PLEKHG4B: variants seen among roughly 807,000 people sequenced by gnomAD.
PLEKHG4B encodes the protein pleckstrin homology domain-containing family G member 4B.
PLEKHG4B carries 111 observed loss-of-function variants against 121.3 expected under a neutral mutation model. The ratio of observed to expected loss-of-function variants is 0.92; its 90% CI spans 0.78 to 1.07. The LOEUF (loss-of-function observed/expected upper bound fraction) is 1.07, where lower values mean the gene tolerates loss of function less well. Ranked by LOEUF, PLEKHG4B falls within the 50% of genes least tolerant of loss-of-function variation. PLEKHG4B has a pLI of 0.00. For synonymous variants in PLEKHG4B, 738 were observed against 725.0 expected (o/e 1.02, Z -0.29); for missense variants, 1,831 against 1,757.8 (o/e 1.04, Z -0.74).
At chr5:103,524 G>A (rs1290912750) in intron 1 of PLEKHG4B, among the ~76,000 whole-genome samples, 8 of 152,048 alleles carry the variant, frequency 5.3e-5, no homozygotes, top group Admixed American at 5.2e-4. Flanking sequence ...TGGATATACT[G>A]CCATTTTCTG....
chr5:162,463 A>C (rs1186853296), intron 12 of PLEKHG4B, among the ~76,000 whole-genome samples: 2 of 152,208 alleles, frequency 1.3e-5, no homozygotes, highest in Non-Finnish European at 2.9e-5. Flanking sequence ...ACTGATCTAC[A>C]CAATGTCTTC....
chr5:144,925 G>C lies in PLEKHG4B; in HGVS notation c.1905+5G>C, dbSNP rs768763317. 1.2e-5 allele frequency: 19 copies of C among 1,612,500 alleles called. No homozygotes were observed. Among genetic ancestry groups the C allele is most frequent in the Non-Finnish European group, 1.6e-5 (19 of 1,179,514 alleles). On this transcript the variant is annotated splice_donor_5th_base_variant and intron_variant, in intron 6 of 19. Transcript: ENST00000637938. ...CAGGCCCTCTCAGGATTGCAGGTACGGCAAGGTTGTCATATCCCTTGGGTG... is the reference window on the plus strand; with the variant it reads ...CAGGCCCTCTCAGGATTGCAGGTACCGCAAGGTTGTCATATCCCTTGGGTG...
chr5:107,928 TAG>T, intron 1 of PLEKHG4B, among the ~76,000 whole-genome samples: 1 of 152,162 alleles, frequency 6.6e-6, no homozygotes, highest in Middle Eastern at 3.4e-3. Context: ...ATATAGGAAT[TAG>T]AGTGTGGTGG....
intron 1 of PLEKHG4B, among the ~76,000 whole-genome samples, chr5:99,203 T>C (rs1375221664): frequency 7.3e-6 from 1 of 136,230 alleles, no homozygotes; most frequent in African/African-American, 2.8e-5. Flanking sequence ...TATATATATA[T>C]ATATATATAT....
Position 184,809 on chromosome 5 carries a change from T to A in PLEKHG4B, c.*2486T>A, listed in dbSNP as rs1733564615. 1 of 140,860 alleles carries A rather than the reference T, an allele frequency of 7.1e-6. No homozygotes were observed. Among genetic ancestry groups the A allele is most frequent in the Admixed American group, 7.0e-5 (1 of 14,186 alleles). 8.7% of individuals were successfully genotyped at this position (140,860 alleles called of 1,614,324 possible). ...GGCTGAGGCCAGAGGATCACTTGACTTGAGCCCAGGAACTGGGGGGTCATG... is the reference window on the plus strand; with the variant it reads ...GGCTGAGGCCAGAGGATCACTTGACATGAGCCCAGGAACTGGGGGGTCATG... On this transcript the variant is annotated 3_prime_UTR_variant, in exon 20 of 20. Transcript: ENST00000637938.
intron 1 of PLEKHG4B, among the ~76,000 whole-genome samples, chr5:102,596 C>G (rs983509105): frequency 2.0e-5 from 3 of 152,322 alleles, no homozygotes. Flanking sequence ...ACGAGTTCCC[C>G]TTTGCCTTCT....
At chr5:171,168 G>A (rs759196815) in intron 15 of PLEKHG4B, 36 bp downstream of exon 15, 20 of 1,606,750 alleles carry the variant, frequency 1.2e-5, no homozygotes, top group East Asian at 8.9e-5. Context: ...CAGCCTGCCC[G>A]GCCCTCAGCC....
rs554724961 is a variant in PLEKHG4B at position 189,347 on chromosome 5, G to A, written c.*7024G>A. On this transcript the variant is annotated 3_prime_UTR_variant, in exon 20 of 20. Transcript: ENST00000637938. ...CGGGCTCACAGTGTCTCAGAGCCGT[G>A]GTGAGCCATCCTAGGACCAGTGTAC... is the stretch of plus-strand genomic sequence containing the variant. 6.6e-6 allele frequency: 1 copy of A among 152,572 alleles called. No individual in the cohort carries two copies. Among genetic ancestry groups the A allele is most frequent in the African/African-American group, 2.4e-5 (1 of 41,594 alleles). The allele number at this position is 152,572 out of a possible 1,614,324, so 9.5% of individuals were successfully genotyped here.
chr5:99,039 C>G (rs1733717076), intron 1 of PLEKHG4B, among the ~76,000 whole-genome samples: 1 of 145,888 alleles, frequency 6.9e-6, no homozygotes, highest in African/African-American at 2.5e-5. Flanking sequence ...ACCTGTAATC[C>G]CAGCTACTCG....
chr5:151,460 G>T, intron 6 of PLEKHG4B, 53 bp from the exon 7 acceptor site: 2 of 1,258,702 alleles, frequency 1.6e-6, no homozygotes, highest in African/African-American at 1.5e-5. Context: ...TTCTATTAAT[G>T]AAGTTAAAAA....
intron 1 of PLEKHG4B, among the ~76,000 whole-genome samples, chr5:101,893 G>C (rs1428268591): frequency 4.1e-4 from 32 of 77,360 alleles, no homozygotes; most frequent in African/African-American, 2.8e-3. Context: ...GTAGGGGAGA[G>C]ACTGTTGTGA....
chr5:96,153 G>A (rs1374532269), intron 1 of PLEKHG4B, among the ~76,000 whole-genome samples: 2 of 152,210 alleles, frequency 1.3e-5, no homozygotes, highest in Admixed American at 6.5e-5. Context: ...CACTGGCCCA[G>A]GTCAACTTTT....
At position 156,119 on chromosome 5, in the gene PLEKHG4B, C is replaced by T; in HGVS notation, c.2257C>T (p.Leu753=). The change falls in exon 10 of 20, where the codon CTG becomes TTG. Residue 753 remains leucine, a synonymous_variant. Transcript: ENST00000637938. This position sits in a 1 kb window ranked among gnomAD's most constrained non-coding sequence, Gnocchi z 4.4. The part of the protein sequence containing the change: ...DQHETMMKLV[L]EDPLLVSLRL... ...GCATGAGACGATGATGAAGCTTGTC[C>T]TGGAAGACCCACTGCTTGTGTCTCT... 6.2e-7 allele frequency: 1 copy of T among 1,600,118 alleles called. No individual in the cohort carries two copies. Among genetic ancestry groups the T allele is most frequent in the Non-Finnish European group, 8.5e-7 (1 of 1,173,280 alleles).
At chr5:105,929 G>A (rs556345205) in intron 1 of PLEKHG4B, among the ~76,000 whole-genome samples, 5 of 152,220 alleles carry the variant, frequency 3.3e-5, no homozygotes, top group Non-Finnish European at 4.4e-5. Context: ...CTGCTCTGTC[G>A]TGGGACCAGG....
Position 164,496 on chromosome 5 carries a change from C to G in PLEKHG4B, c.3476+948C>G, listed in dbSNP as rs113299694. Among the ~76,000 whole-genome samples, 745 of 112,974 alleles carry G rather than the reference C, an allele frequency of 6.6e-3. 16 individuals are homozygous for G. Among genetic ancestry groups the G allele is most frequent in the African/African-American group, 0.022 (455 of 21,044 alleles). The allele number at this position is 112,974 out of a possible 152,430, so 74.1% of individuals were successfully genotyped here. ...ACGGAGCAGAGCTCACACTAATGCT[C>G]TGACAGGGGGCGGAGCTCACACAGT... On this transcript the variant is annotated intron_variant, in intron 13 of 19. Coordinates refer to ENST00000637938, the MANE Select transcript of PLEKHG4B (RefSeq NM_052909.5).
Position 182,177 on chromosome 5 carries a change from T to C in PLEKHG4B, c.4738T>C (p.Trp1580Arg). The change falls in exon 20 of 20, where the codon TGG becomes CGG. Residue 1580 changes from tryptophan to arginine, a missense_variant. Transcript: ENST00000637938. ...VSSSPAHPGL[W>R]SPAHSPWSSD... ...CTCCAGCCCAGCCCACCCGGGCCTATGGAGCCCTGCCCACAGCCCCTGGTC... is the reference window on the plus strand; with the variant it reads ...CTCCAGCCCAGCCCACCCGGGCCTACGGAGCCCTGCCCACAGCCCCTGGTC... The C allele has an allele frequency of 1.2e-6, 2 of 1,613,958 alleles. No individual in the cohort carries two copies. The highest frequency in any genetic ancestry group is 1.7e-6 in the Non-Finnish European group (2 of 1,180,030).
chr5:127,214 T>C (rs1000516975), intron 2 of PLEKHG4B, among the ~76,000 whole-genome samples: 2 of 152,078 alleles, frequency 1.3e-5, no homozygotes, highest in African/African-American at 4.8e-5. Flanking sequence ...TGCTCTTTGT[T>C]AGAAAAGAAA....
Position 160,051 on chromosome 5 carries a change from G to A in PLEKHG4B, c.2488-1732G>A, listed in dbSNP as rs148965102. On this transcript the variant is annotated intron_variant, in intron 11 of 19. Transcript: ENST00000637938. ...CACCCAGAAACTCCACGTTGTGACC[G>A]GACAGGCGATCCTGCTATGTATAGG... 2.8e-3 allele frequency among the ~76,000 whole-genome samples: 423 copies of A among 152,330 alleles called. 4 individuals are homozygous for A. Among genetic ancestry groups the A allele is most frequent in the African/African-American group, 9.6e-3 (398 of 41,584 alleles).
intron 1 of PLEKHG4B, among the ~76,000 whole-genome samples, chr5:98,039 C>G (rs1445930155): frequency 2.0e-5 from 3 of 152,068 alleles, no homozygotes; most frequent in Non-Finnish European, 2.9e-5. Flanking sequence ...ATCTATATAT[C>G]TTTTGATCCA....
Sources: gnomAD v4.1 joint callset for allele counts (sites outside exome capture counted in the v4.1 genomes callset) on GRCh38, gnomAD v4.1.1 for gene constraint, Gnocchi (gnomAD v3.1) non-coding constraint, MANE v1.5 for transcripts, NCBI Gene and HGNC (gene_info 2026-07-23, HGNC 2026-07-21) for gene names.